The following SMARCA4 variants were observed in gnomAD, a reference collection of about 807,000 sequenced individuals.
SMARCA4 encodes SWI/SNF related BAF chromatin remodeling complex subunit ATPase 4, also known as SWI/SNF-related matrix-associated actin-dependent regulator of chromatin subfamily A member 4.
A neutral mutation model predicts 193.9 loss-of-function variants in SMARCA4; 31 were observed. That is an observed-to-expected ratio of 0.16 (90% CI 0.12 to 0.22). The LOEUF is 0.22. SMARCA4 is among the 10% of genes least tolerant of loss of function. SMARCA4 has a pLI of 1.00. For synonymous variants in SMARCA4, 942 were observed against 933.1 expected (o/e 1.01, Z -0.17); for missense variants, 1,148 against 2,296.0 (o/e 0.50, Z 10.22).
In SMARCA4 at chr19:11,058,944, C is replaced by A. The variant is rs1353521334; in HGVS notation, c.4635+55C>A. 1 of 1,326,994 alleles carries A rather than the reference C, an allele frequency of 7.5e-7. No individual in the cohort carries two copies. Among genetic ancestry groups the A allele is most frequent in the Non-Finnish European group, 1.1e-6 (1 of 924,308 alleles). The allele number at this position is 1,326,994 out of a possible 1,614,324, so 82.2% of individuals were successfully genotyped here. A position where few individuals can be genotyped will look rare whatever the true frequency, so the allele number is the denominator to read the frequency against. Reference sequence around the variant, plus strand: ...GCCACTCCCACAGCTGGGCTTTGACCCAACCCGCCCCTCCTTCCCTTCTGA... The same window carrying A: ...GCCACTCCCACAGCTGGGCTTTGACACAACCCGCCCCTCCTTCCCTTCTGA... On this transcript the variant is annotated intron_variant, in intron 32 of 34. Transcript: ENST00000344626. This position sits in a 1 kb window ranked among gnomAD's most constrained non-coding sequence, Gnocchi z 5.8.
intron 30 of SMARCA4, among the ~76,000 whole-genome samples, chr19:11,043,498 G>A (rs549327033): frequency 2.6e-5 from 4 of 151,956 alleles, no homozygotes; most frequent in East Asian, 3.9e-4. Context: ...TACTTAAAGT[G>A]CGGGATACAG....
At chr19:11,021,577 G>A (rs914835983) in intron 18 of SMARCA4, 148 bp from the exon 19 acceptor site, 18 of 998,380 alleles carry the variant, frequency 1.8e-5, no homozygotes, top group South Asian at 9.7e-5. Flanking sequence ...AGTCAGCCCC[G>A]GGGCAGGACG....
rs1060502057 is a variant in SMARCA4 at position 10,984,221 on chromosome 19, C to G, written c.70C>G (p.Pro24Ala). ...TCCTTCCCCGGGCCCTGGCCCTTCC[C>G]CTGGAGCCATGCTGGGCCCTAGCCC... ...PGPSPGPGPS[P>A]GAMLGPSPGP... Residue 24 changes from proline to alanine, a missense_variant, in exon 2 of 35, where the codon CCT (proline) becomes GCT (alanine). Transcript: ENST00000344626. This position sits in a 1 kb window ranked among gnomAD's most constrained non-coding sequence, Gnocchi z 4.3. The G allele has an allele frequency of 1.4e-5, 22 of 1,612,800 alleles. No homozygotes were observed. The highest frequency in any genetic ancestry group is 1.6e-5 in the Non-Finnish European group (19 of 1,179,388).
At position 11,007,942 on chromosome 19, in the gene SMARCA4, C is replaced by T. The variant is rs2088398438; in HGVS notation, c.2042C>T (p.Thr681Ile). 1.9e-6 allele frequency: 3 copies of T among 1,613,696 alleles called. No homozygotes were observed. The East Asian group carries it at 6.7e-5, about 36-fold the overall frequency. ...EEQPQAAQPP[T>I]LPVEEKKKIP... ...CAGCCGCAGGCAGCACAGCCTCCCA[C>T]CCTGCCCGTGGAGGAGAAGAAGAAG... The change falls in exon 14 of 35, where the codon ACC becomes ATC. Residue 681 changes from threonine to isoleucine, a missense_variant. Transcript: ENST00000344626.
chr19:11,045,507 C>T (rs1291672242), intron 30 of SMARCA4, among the ~76,000 whole-genome samples: 1 of 152,130 alleles, frequency 6.6e-6, no homozygotes, highest in Non-Finnish European at 1.5e-5. Context: ...GTACATTCAC[C>T]AAGGTGTACA....
chr19:10,994,758 C>A (rs2145933477), intron 8 of SMARCA4, 70 bp from the exon 9 acceptor site: 1 of 1,411,310 alleles, frequency 7.1e-7, no homozygotes, highest in African/African-American at 1.4e-5. Context: ...AGGTTTTAAA[C>A]AAGCCTTGCG....
intron 30 of SMARCA4, among the ~76,000 whole-genome samples, chr19:11,044,504 C>G (rs911344204): frequency 6.6e-6 from 1 of 152,100 alleles, no homozygotes; most frequent in African/African-American, 2.4e-5. Flanking sequence ...ACAGGACATC[C>G]CAGGACTAAT....
At chr19:11,016,945 T>C (rs1235812780) in intron 16 of SMARCA4, among the ~76,000 whole-genome samples, 6 of 152,134 alleles carry the variant, frequency 3.9e-5, no homozygotes, top group Admixed American at 2.0e-4. Context: ...TCTTACAGAA[T>C]GGTTTTGGGA....
chr19:11,001,431 T>C (rs2087623836), intron 11 of SMARCA4, among the ~76,000 whole-genome samples: 1 of 152,126 alleles, frequency 6.6e-6, no homozygotes, highest in Non-Finnish European at 1.5e-5. Context: ...TGAATAACCA[T>C]GGTACTGAGC....
chr19:11,050,623 C>T (rs1391373527), intron 30 of SMARCA4, among the ~76,000 whole-genome samples: 2 of 152,266 alleles, frequency 1.3e-5, no homozygotes, highest in African/African-American at 4.8e-5. Context: ...TGCCTTTCCA[C>T]AAGCACTGTC....
intron 30 of SMARCA4, among the ~76,000 whole-genome samples, chr19:11,046,538 CTA>C (rs2075929544): frequency 6.6e-6 from 1 of 152,202 alleles, no homozygotes; most frequent in Non-Finnish European, 1.5e-5. Flanking sequence ...ACAAAGATGA[CTA>C]TTAAAGAAAG....
intron 18 of SMARCA4, chr19:11,021,286 A>G (rs1390286607): frequency 2.9e-6 from 1 of 345,692 alleles, no homozygotes; most frequent in Non-Finnish European, 5.7e-6. Flanking sequence ...TGGGGCCCAC[A>G]TTCTGAACCA....
chr19:10,975,330 T>G (rs1369751000), intron 1 of SMARCA4, among the ~76,000 whole-genome samples: 3 of 150,116 alleles, frequency 2.0e-5, no homozygotes, highest in Non-Finnish European at 4.4e-5. Flanking sequence ...TTTTTTTTTT[T>G]TTTTTTGAGT....
chr19:11,054,647 C>T (rs1463348683), intron 30 of SMARCA4, among the ~76,000 whole-genome samples: 1 of 152,166 alleles, frequency 6.6e-6, no homozygotes, highest in Non-Finnish European at 1.5e-5. Flanking sequence ...CAAAAATTAG[C>T]TAGGTGTGGT....
chr19:11,001,938 A>G (rs1315252971), intron 11 of SMARCA4, among the ~76,000 whole-genome samples: 1 of 152,242 alleles, frequency 6.6e-6, no homozygotes. Context: ...AAATATTTCA[A>G]TTAGCTTTTT....
chr19:11,030,914 A>G lies in SMARCA4; in HGVS notation c.3546+21A>G, dbSNP rs750221127. On this transcript the variant is annotated intron_variant, in intron 25 of 34. Transcript: ENST00000344626. The surrounding 1 kb of genome is among the most constrained non-coding windows in gnomAD (Gnocchi z 5.5). ...ACCAGGTAAAAGCGGGCCGGGCCCC[A>G]GGTCGAGGAGAAGGAAGGGGGTGCC... 1 of 1,605,476 alleles carries G rather than the reference A, an allele frequency of 6.2e-7. No individual in the cohort carries two copies. The highest frequency in any genetic ancestry group is 8.5e-7 in the Non-Finnish European group (1 of 1,176,374).
Position 11,019,359 on chromosome 19 carries a change from A to G in SMARCA4, c.2506-232A>G, listed in dbSNP as rs2089654020. 1 of 606,832 alleles carries G rather than the reference A, an allele frequency of 1.6e-6. No homozygotes were observed. Among genetic ancestry groups the G allele is most frequent in the Non-Finnish European group, 2.9e-6 (1 of 339,976 alleles). 37.6% of individuals were successfully genotyped at this position (606,832 alleles called of 1,614,324 possible). A position where few individuals can be genotyped will look rare whatever the true frequency, so the allele number is the denominator to read the frequency against. On this transcript the variant is annotated intron_variant, in intron 17 of 34. Coordinates refer to ENST00000344626, the MANE Select transcript of SMARCA4 (RefSeq NM_003072.5). The surrounding 1 kb of genome is among the most constrained non-coding windows in gnomAD (Gnocchi z 6.1). ...GCGGTGCAGGCTGCGTGGTTCCCTC[A>G]GGCCCCGGCCGCCGCTGGCCTGCAC...
At chr19:11,048,572 C>T (rs566583999) in intron 30 of SMARCA4, among the ~76,000 whole-genome samples, 3 of 152,324 alleles carry the variant, frequency 2.0e-5, no homozygotes, top group South Asian at 4.1e-4. Flanking sequence ...GAGCCTGCCT[C>T]GCCGAGCTGG....
chr19:11,034,898 C>T lies in SMARCA4; in HGVS notation c.3952-16C>T, dbSNP rs2146694874. 2 of 1,539,560 alleles carry T rather than the reference C, an allele frequency of 1.3e-6. No individual in the cohort carries two copies. Among genetic ancestry groups the T allele is most frequent in the Non-Finnish European group, 8.8e-7 (1 of 1,138,274 alleles). On this transcript the variant is annotated splice_polypyrimidine_tract_variant and intron_variant, in intron 28 of 34. Coordinates refer to ENST00000344626, the MANE Select transcript of SMARCA4 (RefSeq NM_003072.5). This position sits in a 1 kb window ranked among gnomAD's most constrained non-coding sequence, Gnocchi z 7.0. ...CTGCATGCTGATGCCTCTCCCGTTG[C>T]CTCCCTGCCCACCAGCGCATGGACC...
Sources: allele counts gnomAD v4.1 joint callset (sites outside exome capture counted in the v4.1 genomes callset), GRCh38; gene constraint gnomAD v4.1.1; non-coding constraint Gnocchi (gnomAD v3.1); transcripts MANE v1.5; gene names NCBI Gene and HGNC (gene_info 2026-07-23, HGNC 2026-07-21).